The following NXPE4 variants were observed in gnomAD, a reference collection of about 807,000 sequenced individuals.
The protein encoded by NXPE4 is NXPE family member 4.
Under a neutral mutation model 33.3 loss-of-function variants are expected in NXPE4, and 42 were observed. That is an observed-to-expected ratio of 1.26 (90% CI 0.98 to 1.63). NXPE4 has a LOEUF of 1.63. NXPE4 is among the 40% of genes most tolerant of loss of function. The pLI is 0.00. For missense variants in NXPE4, 709 were observed against 647.6 expected (o/e 1.09, Z -1.03); for synonymous variants, 253 against 234.9 (o/e 1.08, Z -0.71).
chr11:114,646,157 T>C, the NXPE4 span, among the ~76,000 whole-genome samples: 11 of 152,084 alleles, frequency 7.2e-5, no homozygotes, highest in African/African-American at 2.7e-4. Context: ...AGTGGTAACT[T>C]TGTCATTTCT....
At chr11:114,655,256 T>C in the NXPE4 span, among the ~76,000 whole-genome samples, 4 of 152,022 alleles carry the variant, frequency 2.6e-5, no homozygotes, top group African/African-American at 9.7e-5. Context: ...TGCAAAAATT[T>C]TCTCCCATTC....
At chr11:114,625,898 C>G in the NXPE4 span, among the ~76,000 whole-genome samples, 2 of 152,110 alleles carry the variant, frequency 1.3e-5, no homozygotes, top group Non-Finnish European at 2.9e-5. Flanking sequence ...CTTTCCTAGT[C>G]AAAGAAAGGG....
At chr11:114,649,605 ATTTTCTAAC>A in the NXPE4 span, among the ~76,000 whole-genome samples, 1 of 152,130 alleles carries the variant, frequency 6.6e-6, no homozygotes, top group Admixed American at 6.5e-5. Context: ...GATGATGAAA[ATTTTCTAAC>A]TTATGAAGAT....
At chr11:114,622,924 C>T in the NXPE4 span, among the ~76,000 whole-genome samples, 2 of 147,306 alleles carry the variant, frequency 1.4e-5, no homozygotes, top group African/African-American at 5.0e-5. Context: ...GTGGATAATA[C>T]GTATTGCCTC....
chr11:114,658,497 C>G, the NXPE4 span, among the ~76,000 whole-genome samples: 2 of 152,162 alleles, frequency 1.3e-5, no homozygotes, highest in South Asian at 4.2e-4. Context: ...CTAATGCAGG[C>G]CTGGAGGGGG....
intron 4 of NXPE4, 108 bp downstream of exon 4, chr11:114,581,617 G>A (rs2292819): frequency 0.11 from 91,771 of 863,592 alleles, 8,418 homozygotes; most frequent in East Asian, 0.42. Context: ...TAAGCCAGAT[G>A]AACAGAGTGC....
intron 2 of NXPE4, among the ~76,000 whole-genome samples, chr11:114,585,830 A>T (rs2135253509): frequency 6.6e-6 from 1 of 152,284 alleles, no homozygotes; most frequent in South Asian, 2.1e-4. Flanking sequence ...GAAAACTTGC[A>T]TGGGTGAATG....
chr11:114,607,972 C>G, the NXPE4 span, among the ~76,000 whole-genome samples: 2 of 151,786 alleles, frequency 1.3e-5, no homozygotes, highest in East Asian at 3.9e-4. Flanking sequence ...ATAAGTGTTG[C>G]CTCGTGAGTC....
At chr11:114,651,410 G>A in the NXPE4 span, among the ~76,000 whole-genome samples, 3 of 152,144 alleles carry the variant, frequency 2.0e-5, no homozygotes, top group Non-Finnish European at 2.9e-5. Context: ...CAGGAGTGAA[G>A]CTGCAAACGT....
the NXPE4 span, among the ~76,000 whole-genome samples, chr11:114,668,969 C>G: frequency 1.3e-5 from 2 of 152,086 alleles, no homozygotes; most frequent in African/African-American, 4.8e-5. Context: ...TAACTTGGGG[C>G]TGCTCCCATT....
chr11:114,590,095 T>C (rs900636319), intron 2 of NXPE4, among the ~76,000 whole-genome samples: 12 of 152,212 alleles, frequency 7.9e-5, no homozygotes, highest in African/African-American at 2.9e-4. Context: ...CTCAGGGATT[T>C]TGAGATAATC....
the NXPE4 span, among the ~76,000 whole-genome samples, chr11:114,642,006 C>T: frequency 2.6e-5 from 4 of 151,976 alleles, no homozygotes; most frequent in African/African-American, 9.6e-5. Flanking sequence ...ATTTTAAAAA[C>T]CCAAATAAAA....
intron 5 of NXPE4, among the ~76,000 whole-genome samples, chr11:114,573,659 A>C (rs1346476525): frequency 1.3e-5 from 2 of 152,094 alleles, no homozygotes; most frequent in African/African-American, 4.8e-5. Flanking sequence ...TTCAACAGGA[A>C]AATACCACAA....
chr11:114,651,900 G>A, the NXPE4 span, among the ~76,000 whole-genome samples: 163 of 152,174 alleles, frequency 1.1e-3, no homozygotes, highest in Admixed American at 2.8e-3. Context: ...CTCAATAATA[G>A]CAAAACAGAA....
At chr11:114,640,174 T>A in the NXPE4 span, among the ~76,000 whole-genome samples, 3 of 103,326 alleles carry the variant, frequency 2.9e-5, no homozygotes, top group Admixed American at 1.1e-4. Context: ...ATATAAATAA[T>A]TTATATATTA....
chr11:114,618,519 G>A, the NXPE4 span, among the ~76,000 whole-genome samples: 1 of 151,718 alleles, frequency 6.6e-6, no homozygotes, highest in Admixed American at 6.6e-5. Flanking sequence ...GTTTCCCAGT[G>A]GATAATAAGT....
chr11:114,617,574 G>A, the NXPE4 span, among the ~76,000 whole-genome samples: 164 of 152,062 alleles, frequency 1.1e-3, no homozygotes, highest in African/African-American at 3.7e-3. Context: ...GTTGCCTCAC[G>A]GGTAACCGGT....
chr11:114,600,220 G>C (rs144314460), upstream of NXPE4, among the ~76,000 whole-genome samples: 151 of 152,244 alleles, frequency 9.9e-4, no homozygotes, highest in Non-Finnish European at 1.5e-3. Flanking sequence ...ATGAACATCT[G>C]CTTACCCAAG....
chr11:114,575,782 A>C (rs1175792913), intron 5 of NXPE4, among the ~76,000 whole-genome samples: 7 of 152,170 alleles, frequency 4.6e-5, no homozygotes. Context: ...TGTCAAAAGC[A>C]ATCTACAAAT....
Sources: allele counts gnomAD v4.1 joint callset (sites outside exome capture counted in the v4.1 genomes callset), GRCh38; gene constraint gnomAD v4.1.1; transcripts MANE v1.5; gene names NCBI Gene and HGNC (gene_info 2026-07-23, HGNC 2026-07-21).